The following SAXO4 variants were observed in gnomAD, a reference collection of about 807,000 sequenced individuals.
The protein encoded by SAXO4 is protein phosphatase 1 regulatory subunit 32.
the SAXO4 span, chr11:61,489,998 G>A: frequency 6.5e-7 from 1 of 1,529,702 alleles, no homozygotes; most frequent in African/African-American, 1.4e-5. Flanking sequence ...TCCAGGCCGT[G>A]TGCCAGGCCT....
At chr11:61,482,628 G>C in the SAXO4 span, 1 of 1,613,632 alleles carries the variant, frequency 6.2e-7, no homozygotes, top group African/African-American at 1.3e-5. Flanking sequence ...CAGGCGGCCT[G>C]GGGTTCTAGC....
chr11:61,481,813 A>T, the SAXO4 span: 2 of 1,518,550 alleles, frequency 1.3e-6, no homozygotes. Flanking sequence ...CAGCATCATG[A>T]TGGGGAAACT....
At chr11:61,481,891 T>C in the SAXO4 span, 9 of 1,578,370 alleles carry the variant, frequency 5.7e-6, no homozygotes, top group Non-Finnish European at 7.7e-6. Flanking sequence ...CCTGAAATTC[T>C]ACGCCACCAG....
At chr11:61,481,334 G>T in the SAXO4 span, 1 of 153,354 alleles carries the variant, frequency 6.5e-6, no homozygotes, top group Admixed American at 6.5e-5. Flanking sequence ...GGAGCCGGGG[G>T]CTGGGAGTGA....
chr11:61,489,984 C>T, the SAXO4 span: 1 of 1,570,820 alleles, frequency 6.4e-7, no homozygotes, highest in Non-Finnish European at 8.7e-7. Flanking sequence ...CTCCCTACCC[C>T]TCATCCAGGC....
At chr11:61,485,359 G>A in the SAXO4 span, 34 of 1,614,088 alleles carry the variant, frequency 2.1e-5, no homozygotes, top group African/African-American at 2.5e-4. Context: ...CATGACGTCG[G>A]AGTACAATTC....
At chr11:61,486,983 T>C in the SAXO4 span, 21,780 of 1,613,908 alleles carry the variant, frequency 0.013, 662 homozygotes, top group African/African-American at 0.12. Context: ...GCAGCGTGAG[T>C]CACCAGCAGT....
the SAXO4 span, chr11:61,490,096 G>T: frequency 1.3e-6 from 1 of 750,446 alleles, no homozygotes; most frequent in South Asian, 1.9e-5. Context: ...CCCTTCTCCT[G>T]CTAGCACAGG....
the SAXO4 span, chr11:61,482,781 G>A: frequency 1.9e-6 from 3 of 1,611,812 alleles, no homozygotes; most frequent in South Asian, 1.1e-5. Flanking sequence ...GGCGGGAGAA[G>A]CCCAGTGCGG....
chr11:61,490,360 A>G, the SAXO4 span: 1 of 767,144 alleles, frequency 1.3e-6, no homozygotes, highest in South Asian at 1.5e-5. Context: ...CAGAGTTGGC[A>G]GGCAAAGAAT....
the SAXO4 span, chr11:61,485,249 A>G: frequency 8.5e-6 from 10 of 1,174,088 alleles, no homozygotes; most frequent in African/African-American, 1.5e-4. Context: ...CTCAGAGCAC[A>G]GAGAACCGAG....
At chr11:61,482,749 C>G in the SAXO4 span, 1 of 1,613,824 alleles carries the variant, frequency 6.2e-7, no homozygotes, top group Admixed American at 1.7e-5. Context: ...CTGGAGCATG[C>G]GCCAGACCAG....
At chr11:61,483,076 C>T in the SAXO4 span, among the ~76,000 whole-genome samples, 1 of 151,938 alleles carries the variant, frequency 6.6e-6, no homozygotes, top group African/African-American at 2.4e-5. Context: ...ACACTCCCGT[C>T]CACACCTGCA....
the SAXO4 span, among the ~76,000 whole-genome samples, chr11:61,482,072 G>A: frequency 6.6e-6 from 1 of 152,176 alleles, no homozygotes; most frequent in Non-Finnish European, 1.5e-5. Context: ...TCCCTTCTCT[G>A]GTTCTGTCCC....
At chr11:61,484,843 C>T in the SAXO4 span, 108 of 1,539,374 alleles carry the variant, frequency 7.0e-5, no homozygotes, top group African/African-American at 1.3e-3. Context: ...CTAAGGGCTT[C>T]GGGGTGGGGC....
chr11:61,489,711 G>A, the SAXO4 span: 1 of 1,532,092 alleles, frequency 6.5e-7, no homozygotes, highest in South Asian at 1.1e-5. Context: ...AGGGTCGATG[G>A]AGAAGGGCAG....
the SAXO4 span, chr11:61,485,208 C>T: frequency 4.1e-6 from 3 of 729,512 alleles, no homozygotes; most frequent in Non-Finnish European, 6.9e-6. Context: ...AGACTTGTGT[C>T]CAGGGTGCTG....
the SAXO4 span, chr11:61,482,452 C>T: frequency 3.7e-6 from 6 of 1,600,384 alleles, no homozygotes; most frequent in African/African-American, 5.4e-5. Context: ...GGCCCCTTCC[C>T]AGCCCCTGCC....
the SAXO4 span, chr11:61,482,438 G>A: frequency 1.9e-6 from 3 of 1,609,176 alleles, no homozygotes; most frequent in Admixed American, 1.7e-5. Flanking sequence ...GGTACGGTCT[G>A]TATGGCCCCT....
Sources: allele counts gnomAD v4.1 joint callset (sites outside exome capture counted in the v4.1 genomes callset), GRCh38; gene constraint gnomAD v4.1.1; transcripts MANE v1.5; gene names NCBI Gene and HGNC (gene_info 2026-07-23, HGNC 2026-07-21).